NCALD: variants seen among roughly 807,000 people sequenced by gnomAD.
The protein encoded by NCALD is neurocalcin delta.
A neutral mutation model predicts 18.6 loss-of-function variants in NCALD; 10 were observed. The observed-to-expected ratio is 0.54, with a 90% confidence interval of 0.33 to 0.91. NCALD has a LOEUF of 0.91. Ranked by LOEUF, NCALD falls within the 40% of genes least tolerant of loss-of-function variation. The pLI is 0.03. For synonymous variants in NCALD, 88 were observed against 87.4 expected, an observed-to-expected ratio of 1.01 and a Z score of -0.04; for missense variants, 184 against 247.6, an observed-to-expected ratio of 0.74 and a Z score of 1.72.
chr8:101,947,905 A>G (rs1287095819), intron 2 of NCALD, among the ~76,000 whole-genome samples: 2 of 152,210 alleles, frequency 1.3e-5, no homozygotes, highest in Admixed American at 1.3e-4. Flanking sequence ...GGCAAGAGAG[A>G]GGTGCATAGA....
intron 1 of NCALD, among the ~76,000 whole-genome samples, chr8:101,759,597 C>G (rs1021182137): frequency 2.6e-5 from 4 of 152,098 alleles, no homozygotes; most frequent in Non-Finnish European, 5.9e-5. Context: ...GTTCTCTTTC[C>G]TGCAATTATT....
At chr8:101,945,101 C>A (rs769498338) in intron 2 of NCALD, among the ~76,000 whole-genome samples, 4 of 152,172 alleles carry the variant, frequency 2.6e-5, no homozygotes, top group Non-Finnish European at 5.9e-5. Flanking sequence ...TCCTCTGTTA[C>A]AATAAATCAG....
At chr8:101,973,887 A>G (rs867092856) in intron 2 of NCALD, among the ~76,000 whole-genome samples, 15 of 152,220 alleles carry the variant, frequency 9.9e-5, no homozygotes, top group African/African-American at 3.1e-4. Flanking sequence ...TGAGTCACGC[A>G]CTGTACCAGG....
chr8:101,998,274 G>A (rs1017960322), intron 2 of NCALD, among the ~76,000 whole-genome samples: 3 of 152,166 alleles, frequency 2.0e-5, no homozygotes, highest in Non-Finnish European at 4.4e-5. Context: ...TTAATTTAAT[G>A]CATCTGCTTT....
intron 2 of NCALD, among the ~76,000 whole-genome samples, chr8:101,971,003 TC>T (rs1400716208): frequency 6.6e-6 from 1 of 152,122 alleles, no homozygotes; most frequent in Non-Finnish European, 1.5e-5. Context: ...GTGAGGTCCC[TC>T]CCTGTGTTTG....
intron 4 of NCALD, among the ~76,000 whole-genome samples, chr8:101,804,398 A>G (rs2131099483): frequency 8.6e-6 from 1 of 116,838 alleles, no homozygotes; most frequent in Admixed American, 9.8e-5. Flanking sequence ...ATAGAAATAT[A>G]TATATTTCTA....
rs181086140 is a variant in NCALD, at chr8:101,840,043, T to C, written c.-20+47098A>G. On this transcript the variant is annotated intron_variant, in intron 4 of 6. Coordinates refer to the NCALD transcript ENST00000311028. ...GAGCCTGGAGCCAATTAGAAATATG[T>C]CCATGTAATAAGGAAATGAAGTACT... Among the ~76,000 whole-genome samples the C allele has an allele frequency of 2.0e-5, 3 of 151,622 alleles. No individual in the cohort carries two copies. The East Asian group carries it at 5.8e-4, about 29-fold the overall frequency.
rs1814573833 is a variant in NCALD at position 101,688,792 on chromosome 8, C to T, written c.*517G>A. 1 of 607,820 alleles carries T rather than the reference C, an allele frequency of 1.6e-6. No individual in the cohort carries two copies. The highest frequency in any genetic ancestry group is 1.5e-5 in the South Asian group (1 of 65,442). The allele number at this position is 607,820 out of a possible 1,614,324, so 37.7% of individuals were successfully genotyped here. A position where few individuals can be genotyped will look rare whatever the true frequency, so the allele number is the denominator to read the frequency against. On this transcript the variant is annotated 3_prime_UTR_variant, in exon 4 of 4. Transcript: ENST00000220931. ...TGCTGGGGAAGAGAGGGGAGTGGGCCCCCATGGGGAAATGTCCCAGCTCGC... is the reference window on the plus strand; with the variant it reads ...TGCTGGGGAAGAGAGGGGAGTGGGCTCCCATGGGGAAATGTCCCAGCTCGC...
intron 4 of NCALD, among the ~76,000 whole-genome samples, chr8:101,874,400 A>G (rs1586672067): frequency 6.6e-6 from 1 of 152,048 alleles, no homozygotes; most frequent in African/African-American, 2.4e-5. Context: ...CCACGATAAT[A>G]GGATCCACAC....
intron 1 of NCALD, among the ~76,000 whole-genome samples, chr8:101,734,746 ACAC>A (rs1425038903): frequency 2.6e-5 from 4 of 152,208 alleles, no homozygotes; most frequent in African/African-American, 9.7e-5. Flanking sequence ...GGTAAAAACC[ACAC>A]CACATTTCTT....
At position 102,066,338 on chromosome 8, in the gene NCALD, C is replaced by T. The variant is rs141400436; in HGVS notation, c.-209-46049G>A. On this transcript the variant is annotated intron_variant, in intron 1 of 6. Transcript: ENST00000311028. ...TTCATTTGCTACCAGGATCAGCATA[C>T]GCTTTTTACCCAAGGTAAGAGAAGG... 4.6e-5 allele frequency among the ~76,000 whole-genome samples: 7 copies of T among 152,352 alleles called. No homozygotes were observed. In the South Asian group the frequency reaches 8.3e-4, roughly 18 times the overall value.
At chr8:101,819,186 C>T (rs1398500636) in intron 4 of NCALD, among the ~76,000 whole-genome samples, 2 of 151,954 alleles carry the variant, frequency 1.3e-5, no homozygotes, top group African/African-American at 2.4e-5. Flanking sequence ...CTGACACTAA[C>T]AAGAATTGAA....
At position 101,790,730 on chromosome 8, in the gene NCALD, G is replaced by A. The variant is rs545387720; in HGVS notation, c.-20+132C>T. The A allele has an allele frequency of 4.6e-5, 7 of 152,310 alleles. No individual in the cohort carries two copies. The East Asian group carries it at 1.3e-3, about 29-fold the overall frequency. 9.4% of individuals were successfully genotyped at this position (152,310 alleles called of 1,614,324 possible). ...ACCTGCCTGAAATTCACAACTAGAA[G>A]CTGCTTCACATTTTCCCCTTGGTAC... On this transcript the variant is annotated intron_variant, in intron 1 of 3. Transcript: ENST00000220931.
intron 3 of NCALD, among the ~76,000 whole-genome samples, chr8:101,897,527 G>GA (rs1388206042): frequency 6.6e-6 from 1 of 150,936 alleles, no homozygotes; most frequent in African/African-American, 2.5e-5. Flanking sequence ...AAAAAAAAAA[G>GA]AAAGTACTAC....
intron 1 of NCALD, among the ~76,000 whole-genome samples, chr8:101,729,458 A>T (rs972380935): frequency 6.6e-6 from 1 of 152,160 alleles, no homozygotes; most frequent in Non-Finnish European, 1.5e-5. Context: ...TGCCCGAAAT[A>T]TGTTACAAAG....
chr8:101,918,649 CA>C (rs1818055489), intron 2 of NCALD, among the ~76,000 whole-genome samples: 1 of 151,814 alleles, frequency 6.6e-6, no homozygotes, highest in South Asian at 2.1e-4. Context: ...TTTTAGGATA[CA>C]AAATCAATGT....
intron 4 of NCALD, among the ~76,000 whole-genome samples, chr8:101,877,632 C>G (rs568117518): frequency 6.6e-6 from 1 of 152,204 alleles, no homozygotes; most frequent in Non-Finnish European, 1.5e-5. Context: ...ATAAAAGATA[C>G]TATGTATGCT....
chr8:101,796,410 A>G (rs1812640238), intron 4 of NCALD, among the ~76,000 whole-genome samples: 1 of 152,214 alleles, frequency 6.6e-6, no homozygotes, highest in South Asian at 2.1e-4. Flanking sequence ...ATCATCAGAC[A>G]GGGACTTTAA....
rs577619402 is a variant in NCALD, at chr8:101,927,491, T to TGAA, written c.-156-11636_-156-11634dup. Among the ~76,000 whole-genome samples, 15 of 151,288 alleles carry TGAA rather than the reference T, an allele frequency of 9.9e-5. No individual in the cohort carries two copies. In the South Asian group the frequency reaches 2.9e-3, roughly 29 times the overall value. On this transcript the variant is annotated intron_variant, in intron 2 of 6. Transcript: ENST00000311028. ...AGCAAGGATCTGCTAAGTGCAGGAG[T>TGAA]GAAGGGTAAGGAGGAGCCAACCTCG...
Sources: gnomAD v4.1 joint callset for allele counts (sites outside exome capture counted in the v4.1 genomes callset) on GRCh38, gnomAD v4.1.1 for gene constraint, MANE v1.5 for transcripts, NCBI Gene and HGNC (gene_info 2026-07-23, HGNC 2026-07-21) for gene names.